Variants in PLCB1 observed in about 807,000 individuals in gnomAD.
PLCB1 encodes the protein phospholipase C beta 1, also known as 1-phosphatidylinositol 4,5-bisphosphate phosphodiesterase beta-1.
Under a neutral mutation model 161.8 loss-of-function variants are expected in PLCB1, and 46 were observed. The observed-to-expected ratio is 0.28, with a 90% CI of 0.22 to 0.36. PLCB1 has a LOEUF of 0.36. PLCB1 is among the 10% of genes least tolerant of loss of function. PLCB1 has a pLI of 1.00. For missense variants in PLCB1, 1,016 were observed against 1,472.5 expected, an observed-to-expected ratio of 0.69 and a Z score of 5.07; for synonymous variants, 517 against 503.7, an observed-to-expected ratio of 1.03 and a Z score of -0.35.
At chr20:8,155,465 C>T (rs977194660) in intron 2 of PLCB1, among the ~76,000 whole-genome samples, 1 of 152,094 alleles carries the variant, frequency 6.6e-6, no homozygotes, top group African/African-American at 2.4e-5. Context: ...CTACAGAGTT[C>T]AAAAGCAAAG....
intron 31 of PLCB1, chr20:8,792,688 A>G (rs1031748160): frequency 6.4e-6 from 3 of 466,902 alleles, no homozygotes; most frequent in African/African-American, 6.0e-5. Flanking sequence ...TGTTGGTTCC[A>G]TGTCAAACTA....
chr20:8,554,231 T>A (rs1201990394), intron 3 of PLCB1, among the ~76,000 whole-genome samples: 1 of 152,090 alleles, frequency 6.6e-6, no homozygotes, highest in African/African-American at 2.4e-5. Context: ...ACCTCTCCTA[T>A]GGCCTAACAA....
chr20:8,800,636 G>T (rs1054252498), intron 31 of PLCB1, among the ~76,000 whole-genome samples: 15 of 152,098 alleles, frequency 9.9e-5, no homozygotes, highest in African/African-American at 3.6e-4. Context: ...ACATAAGAGA[G>T]AATAGAAAAT....
intron 2 of PLCB1, among the ~76,000 whole-genome samples, chr20:8,234,144 G>T (rs757855338): frequency 9.9e-5 from 15 of 152,126 alleles, no homozygotes; most frequent in Non-Finnish European, 2.1e-4. Flanking sequence ...GAATGGGAAA[G>T]AGACGTATGC....
intron 2 of PLCB1, among the ~76,000 whole-genome samples, chr20:8,324,916 G>C (rs1985085052): frequency 6.6e-6 from 1 of 152,228 alleles, no homozygotes; most frequent in African/African-American, 2.4e-5. Flanking sequence ...ATTTTTCCAT[G>C]TGGGAATAAC....
intron 4 of PLCB1, among the ~76,000 whole-genome samples, chr20:8,637,744 C>G (rs1284308758): frequency 6.6e-6 from 1 of 152,156 alleles, no homozygotes; most frequent in Non-Finnish European, 1.5e-5. Context: ...CTGATATATT[C>G]TAATATATGG....
intron 2 of PLCB1, among the ~76,000 whole-genome samples, chr20:8,219,426 A>T (rs1280337474): frequency 6.6e-6 from 1 of 152,138 alleles, no homozygotes; most frequent in Non-Finnish European, 1.5e-5. Context: ...TTTCAGTTAG[A>T]GTTATAGAGC....
intron 1 of PLCB1, among the ~76,000 whole-genome samples, chr20:8,140,805 A>AT (rs201733549): frequency 1.0e-4 from 15 of 148,120 alleles, no homozygotes; most frequent in Admixed American, 1.3e-4. Flanking sequence ...TTATTTTTTT[A>AT]TTTTTTTTTT....
At chr20:8,338,670 G>A (rs184158432) in intron 2 of PLCB1, among the ~76,000 whole-genome samples, 1 of 152,234 alleles carries the variant, frequency 6.6e-6, no homozygotes, top group Admixed American at 6.5e-5. Flanking sequence ...AGAGTAGAAT[G>A]CACAAATCTC....
Position 8,628,290 on chromosome 20 carries a change from C to T in PLCB1, c.247-4C>T, listed in dbSNP as rs1183324381. 2 of 1,611,022 alleles carry T rather than the reference C, an allele frequency of 1.2e-6. No individual in the cohort carries two copies. Among genetic ancestry groups the T allele is most frequent in the East Asian group, 2.2e-5 (1 of 44,860 alleles). ...ACTAATTATTTTCAATATTTATTAC[C>T]CAGGACCCCAAATTACGTGAACTTT... On this transcript the variant is annotated splice_region_variant and splice_polypyrimidine_tract_variant and intron_variant, in intron 3 of 31. Transcript: ENST00000338037.
chr20:8,407,040 C>CA (rs1173808259), intron 3 of PLCB1, among the ~76,000 whole-genome samples: 2 of 152,184 alleles, frequency 1.3e-5, no homozygotes, highest in African/African-American at 4.8e-5. Context: ...TGAGGCTACA[C>CA]AGCCCATTGC....
At position 8,741,549 on chromosome 20, in the gene PLCB1, AGAT is replaced by A; in HGVS notation, c.2502_2504del (p.Asp834del). 1.2e-6 allele frequency: 2 copies of A among 1,612,298 alleles called. No individual in the cohort carries two copies. The highest frequency in any genetic ancestry group is 1.7e-6 in the Non-Finnish European group (2 of 1,178,348). On this transcript the variant is annotated inframe_deletion, in exon 23 of 32. Coordinates refer to ENST00000338037, the MANE Select transcript of PLCB1 (RefSeq NM_015192.4). ...AGCAATTGGCTGCTTTGACACTGGA[AGAT>A]GAAGAAGAAGTAAAGAAAGAGGTGA...
intron 26 of PLCB1, among the ~76,000 whole-genome samples, chr20:8,766,950 G>A (rs1982347665): frequency 6.6e-6 from 1 of 152,136 alleles, no homozygotes; most frequent in Non-Finnish European, 1.5e-5. Context: ...CTAGGATGAC[G>A]CTGGTAGACA....
chr20:8,717,766 C>T lies in PLCB1; in HGVS notation c.1431C>T (p.Ser477=), dbSNP rs758504402. ...KKKSHKSSEG[S]GKKKLSEQAS... ...AATCACACAAGTCATCAGAAGGAAG[C>T]GGCAAAAAGAAGCTCTCAGAACAAG... The change falls in exon 14 of 32, where the codon AGC becomes AGT. Residue 477 remains serine (S), a synonymous_variant. Transcript: ENST00000338037. 12 of 1,613,598 alleles carry T rather than the reference C, an allele frequency of 7.4e-6. No individual in the cohort carries two copies. Among genetic ancestry groups the T allele is most frequent in the East Asian group, 2.2e-5 (1 of 44,866 alleles).
chr20:8,304,690 A>G (rs1327480488), intron 2 of PLCB1, among the ~76,000 whole-genome samples: 1 of 151,742 alleles, frequency 6.6e-6, no homozygotes, highest in Non-Finnish European at 1.5e-5. Flanking sequence ...TCTAATTACT[A>G]TTGTAATAAT....
At chr20:8,607,981 C>A (rs879356342) in intron 3 of PLCB1, among the ~76,000 whole-genome samples, 1 of 152,160 alleles carries the variant, frequency 6.6e-6, no homozygotes. Flanking sequence ...ATCAAGACAT[C>A]ATGTTGTACA....
At chr20:8,171,481 A>G (rs1055257632) in intron 2 of PLCB1, among the ~76,000 whole-genome samples, 1 of 152,112 alleles carries the variant, frequency 6.6e-6, no homozygotes, top group Non-Finnish European at 1.5e-5. Context: ...TTAAAAATAC[A>G]TACTCTGAAC....
chr20:8,747,827 C>T (rs1001943092), intron 23 of PLCB1, among the ~76,000 whole-genome samples: 2 of 151,724 alleles, frequency 1.3e-5, no homozygotes, highest in African/African-American at 2.4e-5. Context: ...CAGTGTATGG[C>T]CCCAATTTGA....
At chr20:8,702,184 GT>G (rs1397971279) in intron 11 of PLCB1, among the ~76,000 whole-genome samples, 1 of 152,130 alleles carries the variant, frequency 6.6e-6, no homozygotes, top group Non-Finnish European at 1.5e-5. Context: ...AGGGCTTTTT[GT>G]TTTGTAGTCT....
Sources: gnomAD v4.1 joint callset for allele counts (sites outside exome capture counted in the v4.1 genomes callset) on GRCh38, gnomAD v4.1.1 for gene constraint, MANE v1.5 for transcripts, NCBI Gene and HGNC (gene_info 2026-07-23, HGNC 2026-07-21) for gene names.